Variants in CLPTM1 observed in about 807,000 individuals in gnomAD.
The protein encoded by CLPTM1 is putative lipid scramblase CLPTM1.
Under a neutral mutation model 77.3 loss-of-function variants are expected in CLPTM1, and 21 were observed. The observed-to-expected ratio is 0.27, with a 90% CI of 0.19 to 0.39. The LOEUF is 0.39. CLPTM1 is among the 10% of genes least tolerant of loss of function. CLPTM1 has a pLI of 1.00. For missense variants in CLPTM1, 642 were observed against 921.2 expected, an observed-to-expected ratio of 0.70 and a Z score of 3.92; for synonymous variants, 373 against 381.0, an observed-to-expected ratio of 0.98 and a Z score of 0.24.
At chr19:44,975,448 C>T (rs1970791289) in intron 4 of CLPTM1, among the ~76,000 whole-genome samples, 1 of 152,234 alleles carries the variant, frequency 6.6e-6, no homozygotes, top group Non-Finnish European at 1.5e-5. Flanking sequence ...CAGCTGCCCT[C>T]ATTCCTTTCT....
chr19:44,970,474 A>G (rs1173171552), intron 2 of CLPTM1, among the ~76,000 whole-genome samples: 1 of 137,252 alleles, frequency 7.3e-6, no homozygotes, highest in Non-Finnish European at 1.5e-5. Flanking sequence ...ATCGTGGTTC[A>G]CTGCAGCCTC....
In CLPTM1 at chr19:44,985,090, T is replaced by G. The variant is rs113041406; in HGVS notation, c.587-128T>G. The G allele has an allele frequency of 4.8e-6, 3 of 623,464 alleles. No homozygotes were observed. In the African/African-American group the frequency reaches 5.5e-5, roughly 11 times the overall value. The allele number at this position is 623,464 out of a possible 1,614,324, so 38.6% of individuals were successfully genotyped here. A position where few individuals can be genotyped will look rare whatever the true frequency, so the allele number is the denominator to read the frequency against. On this transcript the variant is annotated intron_variant, in intron 5 of 13. Coordinates refer to ENST00000337392, the MANE Select transcript of CLPTM1 (RefSeq NM_001294.4). ...TCTGGCATTCCAGGTCACATTGATC[T>G]CAGCAGGTGAGTGCAAGGTGGATGC...
Position 44,990,500 on chromosome 19 carries a change from A to G in CLPTM1, c.1238A>G (p.Asn413Ser), listed in dbSNP as rs1418637447. The G allele has an allele frequency of 6.2e-7, 1 of 1,613,960 alleles. No individual in the cohort carries two copies. Among genetic ancestry groups the G allele is most frequent in the African/African-American group, 1.3e-5 (1 of 74,904 alleles). ...SFVVLLYILD[N>S]ETNFVVQVSV... ...GTGGTCCTCCTCTACATCCTGGACA[A>G]CGAGACCAACTTCGTGGTCCAGGTC... The change falls in exon 10 of 14, where the codon AAC becomes AGC. Residue 413 changes from asparagine (N) to serine (S), a missense_variant. By Grantham distance (46) the Asn-to-Ser change is conservative. Transcript: ENST00000337392. This position sits in a 1 kb window ranked among gnomAD's most constrained non-coding sequence, Gnocchi z 4.8.
At chr19:44,977,496 A>G in intron 5 of CLPTM1, 36 bp downstream of exon 5, 1 of 1,486,618 alleles carries the variant, frequency 6.7e-7, no homozygotes, top group Non-Finnish European at 9.3e-7. Flanking sequence ...CCCACTGTCC[A>G]GGAGGCCAGC....
intron 4 of CLPTM1, among the ~76,000 whole-genome samples, chr19:44,977,062 C>T (rs1261943497): frequency 1.3e-5 from 2 of 152,008 alleles, no homozygotes; most frequent in African/African-American, 2.4e-5. Flanking sequence ...GTGGTGCCCT[C>T]GGGTCAGTGC....
In CLPTM1 at chr19:44,988,124, C is replaced by A. The variant is rs1454495347; in HGVS notation, c.1083C>A (p.Ile361=). 6.2e-7 allele frequency: 1 copy of A among 1,614,174 alleles called. No individual in the cohort carries two copies. Among genetic ancestry groups the A allele is most frequent in the African/African-American group, 1.3e-5 (1 of 75,042 alleles). Residue 361 remains isoleucine, a synonymous_variant, in exon 9 of 14, where the codon ATC becomes ATA. Coordinates refer to ENST00000337392, the MANE Select transcript of CLPTM1 (RefSeq NM_001294.4). The part of the protein sequence containing the change: ...ETNPYLLALT[I]IVSIVHSVFE... ...ACCCCTACCTGCTGGCGCTCACCATCATCGTGTCTATCGTTCACAGTGTCT... is the reference window on the plus strand; with the variant it reads ...ACCCCTACCTGCTGGCGCTCACCATAATCGTGTCTATCGTTCACAGTGTCT...
At chr19:44,967,632 G>A (rs1178558180) in intron 2 of CLPTM1, among the ~76,000 whole-genome samples, 4 of 150,534 alleles carry the variant, frequency 2.7e-5, no homozygotes, top group African/African-American at 9.8e-5. Flanking sequence ...ACTCCAGCCT[G>A]GGCAACAAGA....
intron 2 of CLPTM1, among the ~76,000 whole-genome samples, chr19:44,966,919 G>A (rs1970640040): frequency 6.6e-6 from 1 of 151,972 alleles, no homozygotes; most frequent in African/African-American, 2.4e-5. Context: ...TCGGCTCACT[G>A]CAAGCTCCGC....
rs1349997984 is a variant in CLPTM1 at position 44,990,790 on chromosome 19, T to C, written c.1324-60T>C. ...ACGGTGGGGAAGGGCAGGGGCTGGT[T>C]CTGGCTTGTGGGGTGGGAGCCAGCG... is the stretch of plus-strand genomic sequence containing the variant. On this transcript the variant is annotated intron_variant, in intron 10 of 13. Coordinates refer to ENST00000337392, the MANE Select transcript of CLPTM1 (RefSeq NM_001294.4). The surrounding 1 kb of genome is among the most constrained non-coding windows in gnomAD (Gnocchi z 4.8). 1 of 1,462,292 alleles carries C rather than the reference T, an allele frequency of 6.8e-7. No homozygotes were observed. The highest frequency in any genetic ancestry group is 9.5e-7 in the Non-Finnish European group (1 of 1,049,272). The allele number at this position is 1,462,292 out of a possible 1,614,324, so 90.6% of individuals were successfully genotyped here. A position where few individuals can be genotyped will look rare whatever the true frequency, so the allele number is the denominator to read the frequency against.
intron 8 of CLPTM1, 107 bp downstream of exon 8, chr19:44,987,530 T>C: frequency 6.9e-7 from 1 of 1,450,198 alleles, no homozygotes; most frequent in Non-Finnish European, 9.3e-7. Context: ...CTGGTGCTCC[T>C]CTGCCCACAG....
chr19:44,956,506 C>T (rs184019315), intron 1 of CLPTM1, among the ~76,000 whole-genome samples: 1 of 152,294 alleles, frequency 6.6e-6, no homozygotes, highest in African/African-American at 2.4e-5. Flanking sequence ...GGGTAGGACA[C>T]ATGGATGAAA....
chr19:44,992,539 C>G lies in CLPTM1; in HGVS notation c.1724-72C>G. On this transcript the variant is annotated intron_variant, in intron 13 of 13. Transcript: ENST00000337392. The surrounding 1 kb of genome is among the most constrained non-coding windows in gnomAD (Gnocchi z 7.7). The stretch of plus-strand genomic sequence containing the variant: ...GGCTCGGCCCCGCCCTTGCATCACG[C>G]CCTCTCCACCCAGGCCCACCTGGCT... 6.3e-7 allele frequency: 1 copy of G among 1,599,724 alleles called. No individual in the cohort carries two copies. The highest frequency in any genetic ancestry group is 8.5e-7 in the Non-Finnish European group (1 of 1,170,594).
chr19:44,977,209 C>T, intron 4 of CLPTM1, 134 bp from the exon 5 acceptor site: 1 of 710,470 alleles, frequency 1.4e-6, no homozygotes, highest in South Asian at 1.6e-5. Context: ...GCTACATGCC[C>T]CACCCTGAGT....
intron 1 of CLPTM1, chr19:44,955,863 A>T (rs1970456033): frequency 5.4e-6 from 1 of 183,862 alleles, no homozygotes; most frequent in Non-Finnish European, 1.1e-5. Flanking sequence ...ATTAATTGGG[A>T]GTTTTCTAGC....
chr19:44,993,018 C>T lies in CLPTM1; in HGVS notation c.*121C>T, dbSNP rs1033696477. ...GATCAGGCCGGGGCGGTGGGAGGCCCGCCTCAGGTCAGGGCCCAGCGTGTG... is the reference window on the plus strand; with the variant it reads ...GATCAGGCCGGGGCGGTGGGAGGCCTGCCTCAGGTCAGGGCCCAGCGTGTG... On this transcript the variant is annotated 3_prime_UTR_variant, in exon 14 of 14. Coordinates refer to ENST00000337392, the MANE Select transcript of CLPTM1 (RefSeq NM_001294.4). 22 of 1,259,428 alleles carry T rather than the reference C, an allele frequency of 1.7e-5. No homozygotes were observed. Among genetic ancestry groups the T allele is most frequent in the East Asian group, 1.0e-4 (4 of 40,182 alleles). The allele number at this position is 1,259,428 out of a possible 1,614,324, so 78.0% of individuals were successfully genotyped here.
intron 5 of CLPTM1, among the ~76,000 whole-genome samples, chr19:44,982,041 G>A (rs931595975): frequency 6.6e-6 from 1 of 151,482 alleles, no homozygotes; most frequent in Non-Finnish European, 1.5e-5. Context: ...TTCCCCTTGT[G>A]TCAGTTTTCA....
At chr19:44,963,375 G>T (rs1423821262) in intron 2 of CLPTM1, among the ~76,000 whole-genome samples, 31 of 148,958 alleles carry the variant, frequency 2.1e-4, no homozygotes, top group African/African-American at 7.4e-4. Context: ...GCCCAGGCTG[G>T]AGTGCAGTGG....
chr19:44,991,061 C>T lies in CLPTM1; in HGVS notation c.1419+116C>T. On this transcript the variant is annotated intron_variant, in intron 11 of 13. Coordinates refer to ENST00000337392, the MANE Select transcript of CLPTM1 (RefSeq NM_001294.4). The surrounding 1 kb of genome is among the most constrained non-coding windows in gnomAD (Gnocchi z 5.4). The stretch of plus-strand genomic sequence containing the variant: ...CCATGCTTTACAGCCTGTGCCACAT[C>T]CTCTGTGTCCCCCATCTGCCATAAC... The T allele has an allele frequency of 7.8e-7, 1 of 1,286,512 alleles. No individual in the cohort carries two copies. Among genetic ancestry groups the T allele is most frequent in the South Asian group, 1.3e-5 (1 of 78,526 alleles). 79.7% of individuals were successfully genotyped at this position (1,286,512 alleles called of 1,614,324 possible).
intron 1 of CLPTM1, 121 bp downstream of exon 1, chr19:44,955,588 T>TG (rs1970450016): frequency 1.0e-6 from 1 of 993,114 alleles, no homozygotes; most frequent in Admixed American, 4.3e-5. Context: ...AGAGGGACCT[T>TG]GAATACCCGG....
Sources: gnomAD v4.1 joint callset for allele counts (sites outside exome capture counted in the v4.1 genomes callset) on GRCh38, gnomAD v4.1.1 for gene constraint, Gnocchi (gnomAD v3.1) non-coding constraint, MANE v1.5 for transcripts, NCBI Gene and HGNC (gene_info 2026-07-23, HGNC 2026-07-21) for gene names.